LRP1B: variants seen among roughly 807,000 people sequenced by gnomAD.
LRP1B encodes the protein LDL receptor related protein 1B, also known as low-density lipoprotein receptor-related protein 1B.
In LRP1B, 217 loss-of-function variants were observed where a neutral mutation model predicts 556.6. The observed-to-expected ratio is 0.39, with a 90% CI of 0.35 to 0.44. The LOEUF is 0.44. Among genes scored for constraint, LRP1B ranks in the 20% least tolerant of loss-of-function variants. The pLI is 1.00. For missense variants in LRP1B, 5,053 were observed against 5,620.8 expected (o/e 0.90, Z 3.23); for synonymous variants, 2,047 against 1,865.8 (o/e 1.10, Z -2.50).
chr2:141,371,879 C>T (rs1485715145), intron 3 of LRP1B, among the ~76,000 whole-genome samples: 1 of 151,912 alleles, frequency 6.6e-6, no homozygotes, highest in East Asian at 1.9e-4. Context: ...TGCCCAATTG[C>T]CCTGGTGAGA....
At position 140,640,169 on chromosome 2, in the gene LRP1B, A is replaced by AT. The variant is rs1005020043; in HGVS notation, c.6800-38531dup. 9.4e-5 allele frequency among the ~76,000 whole-genome samples: 14 copies of AT among 148,852 alleles called. No homozygotes were observed. The East Asian group carries it at 1.2e-3, about 13-fold the overall frequency. ...GGGCGCCCGCCACCTCGCCTGGCTA[A>AT]TTTTTTTTGTATTTTTAGTAGAGAC... On this transcript the variant is annotated intron_variant, in intron 41 of 90. Transcript: ENST00000389484.
chr2:140,701,904 T>C (rs1686659034), intron 39 of LRP1B, 59 bp from the exon 40 acceptor site: 3 of 1,601,272 alleles, frequency 1.9e-6, no homozygotes, highest in South Asian at 1.1e-5. Context: ...GTCAAGCCAG[T>C]TACTTAAGCT....
At chr2:141,940,012 A>AATTCTTTTGAAGT (rs1553488066) in intron 1 of LRP1B, among the ~76,000 whole-genome samples, 1 of 3,498 alleles carries the variant, frequency 2.9e-4, no homozygotes, top group African/African-American at 6.8e-4. Flanking sequence ...TAAACATTAA[A>AATTCTTTTGAAGT]TCTCAAGTCC....
At chr2:142,027,614 C>A (rs1471440469) in intron 1 of LRP1B, among the ~76,000 whole-genome samples, 1 of 151,638 alleles carries the variant, frequency 6.6e-6, no homozygotes, top group Non-Finnish European at 1.5e-5. Context: ...CCATTTATTT[C>A]TCACAATAAT....
chr2:140,892,549 C>T (rs896363097), intron 23 of LRP1B, among the ~76,000 whole-genome samples: 2 of 152,054 alleles, frequency 1.3e-5, no homozygotes, highest in African/African-American at 4.8e-5. Flanking sequence ...TTGAGAGCTG[C>T]GAAGGATGCG....
intron 2 of LRP1B, among the ~76,000 whole-genome samples, chr2:141,792,516 T>C (rs1409410825): frequency 1.3e-5 from 2 of 152,074 alleles, no homozygotes; most frequent in Non-Finnish European, 2.9e-5. Context: ...TCACGTGTTG[T>C]ATAGTATAGT....
At chr2:141,799,280 A>G (rs1695925973) in intron 2 of LRP1B, among the ~76,000 whole-genome samples, 1 of 152,156 alleles carries the variant, frequency 6.6e-6, no homozygotes, top group African/African-American at 2.4e-5. Flanking sequence ...ATTCCGTGAC[A>G]AAAGGGAGAT....
At chr2:141,130,638 G>T (rs1348673874) in intron 7 of LRP1B, among the ~76,000 whole-genome samples, 3 of 151,978 alleles carry the variant, frequency 2.0e-5, no homozygotes, top group African/African-American at 7.2e-5. Flanking sequence ...GGTATTTGTG[G>T]AGCACTGATT....
intron 6 of LRP1B, among the ~76,000 whole-genome samples, chr2:141,203,709 C>T (rs571956463): frequency 6.6e-6 from 1 of 152,298 alleles, no homozygotes; most frequent in East Asian, 1.9e-4. Context: ...ACTCTCCACC[C>T]CAAATCAACA....
At chr2:140,511,875 A>G (rs535888477) in intron 51 of LRP1B, among the ~76,000 whole-genome samples, 1 of 152,250 alleles carries the variant, frequency 6.6e-6, no homozygotes, top group East Asian at 1.9e-4. Context: ...TTATCTTTCC[A>G]CAGAAAATAT....
intron 14 of LRP1B, among the ~76,000 whole-genome samples, chr2:141,007,856 T>C (rs1697623687): frequency 6.6e-6 from 1 of 151,748 alleles, no homozygotes; most frequent in South Asian, 2.1e-4. Context: ...TAAATTGGCA[T>C]TATTCAAACT....
chr2:140,961,914 G>A (rs1573925556), intron 18 of LRP1B, among the ~76,000 whole-genome samples: 2 of 152,244 alleles, frequency 1.3e-5, no homozygotes, highest in East Asian at 3.9e-4. Context: ...AGGAAACTTG[G>A]CTAAGAGTTA....
At chr2:141,873,390 T>C (rs2105802960) in intron 1 of LRP1B, among the ~76,000 whole-genome samples, 1 of 152,092 alleles carries the variant, frequency 6.6e-6, no homozygotes, top group African/African-American at 2.4e-5. Context: ...ACTCAACCTA[T>C]TTTTTGCATA....
intron 18 of LRP1B, among the ~76,000 whole-genome samples, chr2:140,958,238 T>A (rs931348845): frequency 2.0e-5 from 3 of 151,518 alleles, no homozygotes; most frequent in Admixed American, 2.0e-4. Flanking sequence ...TTTTAAAAAA[T>A]CTATCTGTAG....
At chr2:142,086,369 G>T (rs560024770) in intron 1 of LRP1B, among the ~76,000 whole-genome samples, 2 of 152,246 alleles carry the variant, frequency 1.3e-5, no homozygotes, top group South Asian at 4.1e-4. Context: ...CCAGCACTTG[G>T]GAGGCCGAGG....
At position 140,291,318 on chromosome 2, in the gene LRP1B, A is replaced by ATATATATATATT. The variant is rs369391920; in HGVS notation, c.12967+6489_12967+6490insAATATATATATA. ...TTATTTTATATATATATATATATAT[A>ATATATATATATT]TTTTTATTATACTTTAAGTTCTAGG... On this transcript the variant is annotated intron_variant, in intron 84 of 90. Transcript: ENST00000389484. Among the ~76,000 whole-genome samples the ATATATATATATT allele has an allele frequency of 8.2e-5, 9 of 109,322 alleles. No individual in the cohort carries two copies. The South Asian group carries it at 1.3e-3, about 16-fold the overall frequency. The allele number at this position is 109,322 out of a possible 152,430, so 71.7% of individuals were successfully genotyped here. A position where few individuals can be genotyped will look rare whatever the true frequency, so the allele number is the denominator to read the frequency against.
At chr2:141,855,687 T>G (rs1301571918) in intron 1 of LRP1B, among the ~76,000 whole-genome samples, 1 of 152,080 alleles carries the variant, frequency 6.6e-6, no homozygotes, top group African/African-American at 2.4e-5. Flanking sequence ...GGCCACAGTA[T>G]TGAGGGGTTC....
intron 2 of LRP1B, among the ~76,000 whole-genome samples, chr2:141,532,915 G>A (rs1251710496): frequency 6.6e-6 from 1 of 152,118 alleles, no homozygotes; most frequent in Non-Finnish European, 1.5e-5. Flanking sequence ...GAACTCCGGA[G>A]GCAGAGGTTG....
chr2:140,386,101 A>C, intron 66 of LRP1B, 92 bp from the exon 67 acceptor site: 1 of 755,386 alleles, frequency 1.3e-6, no homozygotes, highest in Non-Finnish European at 2.3e-6. Context: ...CATGGCATAT[A>C]ATGTTTCCTT....
Sources: gnomAD v4.1 joint callset for allele counts (sites outside exome capture counted in the v4.1 genomes callset) on GRCh38, gnomAD v4.1.1 for gene constraint, MANE v1.5 for transcripts, NCBI Gene and HGNC (gene_info 2026-07-23, HGNC 2026-07-21) for gene names.